RBMS3: variants seen among roughly 807,000 people sequenced by gnomAD.
The protein encoded by RBMS3 is RNA-binding motif, single-stranded-interacting protein 3.
A neutral mutation model predicts 66.8 loss-of-function variants in RBMS3; 27 were observed. The observed-to-expected ratio is 0.40, with a 90% CI of 0.30 to 0.56. The LOEUF is 0.56. Among genes scored for constraint, RBMS3 ranks in the 20% least tolerant of loss-of-function variants. RBMS3 has a pLI of 0.40. For synonymous variants in RBMS3, 188 were observed against 183.0 expected (o/e 1.03, Z -0.22); for missense variants, 513 against 549.5 (o/e 0.93, Z 0.66).
At chr3:29,346,127 G>T (rs567047311) in intron 1 of RBMS3, among the ~76,000 whole-genome samples, 2 of 152,276 alleles carry the variant, frequency 1.3e-5, no homozygotes, top group South Asian at 2.1e-4. Flanking sequence ...TAGAACTGGA[G>T]TTGGCCCATA....
At chr3:29,521,340 T>C (rs1420567241) in intron 3 of RBMS3, among the ~76,000 whole-genome samples, 1 of 152,184 alleles carries the variant, frequency 6.6e-6, no homozygotes, top group Non-Finnish European at 1.5e-5. Flanking sequence ...TAATATTTTG[T>C]TGACATCTCA....
chr3:29,791,188 T>C (rs2057000261), intron 6 of RBMS3, among the ~76,000 whole-genome samples: 4 of 152,214 alleles, frequency 2.6e-5, no homozygotes, highest in Admixed American at 2.0e-4. Flanking sequence ...GTGAATAACA[T>C]TGATTTCTTT....
intron 4 of RBMS3, among the ~76,000 whole-genome samples, chr3:29,687,777 T>C (rs2051797392): frequency 6.6e-6 from 1 of 152,190 alleles, no homozygotes; most frequent in Non-Finnish European, 1.5e-5. Context: ...TACCAATATT[T>C]TCACAATTGT....
At chr3:29,560,168 A>G (rs2046499116) in intron 3 of RBMS3, among the ~76,000 whole-genome samples, 1 of 152,228 alleles carries the variant, frequency 6.6e-6, no homozygotes, top group South Asian at 2.1e-4. Context: ...TACAAATACC[A>G]GATGGAGTTT....
chr3:29,635,822 C>T (rs1261420144), intron 4 of RBMS3, among the ~76,000 whole-genome samples: 3 of 151,824 alleles, frequency 2.0e-5, no homozygotes, highest in Admixed American at 2.0e-4. Flanking sequence ...CTGTACTTCT[C>T]AGCTCTCCTC....
chr3:29,811,760 T>A (rs565061472), intron 6 of RBMS3, among the ~76,000 whole-genome samples: 2 of 152,314 alleles, frequency 1.3e-5, no homozygotes, highest in South Asian at 4.1e-4. Flanking sequence ...CTAAATCTTT[T>A]GTCCATTAGG....
At chr3:29,785,708 C>T (rs754191459) in intron 6 of RBMS3, among the ~76,000 whole-genome samples, 41 of 152,074 alleles carry the variant, frequency 2.7e-4, no homozygotes, top group South Asian at 1.0e-3. Flanking sequence ...TAATAAAAGC[C>T]GTCTATGACA....
chr3:29,485,323 C>G (rs1374190164), intron 2 of RBMS3, among the ~76,000 whole-genome samples: 1 of 151,958 alleles, frequency 6.6e-6, no homozygotes, highest in Non-Finnish European at 1.5e-5. Flanking sequence ...ATTATGAAAA[C>G]TCAAAAATGT....
chr3:29,973,702 A>G (rs1697370220), intron 12 of RBMS3, among the ~76,000 whole-genome samples: 3 of 151,932 alleles, frequency 2.0e-5, no homozygotes, highest in South Asian at 2.1e-4. Context: ...ACCTTTCTCT[A>G]TTCTATCCTA....
intron 5 of RBMS3, among the ~76,000 whole-genome samples, chr3:29,742,609 T>A (rs1022847498): frequency 6.6e-6 from 1 of 152,226 alleles, no homozygotes; most frequent in African/African-American, 2.4e-5. Flanking sequence ...TTAGGTGCTC[T>A]TGTTATAGCT....
chr3:29,458,166 T>C (rs1370273713), intron 2 of RBMS3, among the ~76,000 whole-genome samples: 1 of 152,212 alleles, frequency 6.6e-6, no homozygotes, highest in Non-Finnish European at 1.5e-5. Flanking sequence ...GTAAGTTTCT[T>C]GCAGATGAAG....
At position 29,476,750 on chromosome 3, in the gene RBMS3, T is replaced by C. The variant is rs182946795; in HGVS notation, c.249-11691T>C. Reference sequence around the variant, plus strand: ...CTGCTTTTTCTATGTATGTAATTTTTAAAAAAAAATAAAAATCACCTTCAT... The same window carrying C: ...CTGCTTTTTCTATGTATGTAATTTTCAAAAAAAAATAAAAATCACCTTCAT... On this transcript the variant is annotated intron_variant, in intron 2 of 14. Transcript: ENST00000383767. Among the ~76,000 whole-genome samples the C allele has an allele frequency of 2.4e-4, 37 of 151,898 alleles. No individual in the cohort carries two copies. The East Asian group carries it at 5.2e-3, about 21-fold the overall frequency.
intron 5 of RBMS3, among the ~76,000 whole-genome samples, chr3:29,760,054 G>T (rs2055602614): frequency 6.6e-6 from 1 of 152,010 alleles, no homozygotes; most frequent in Admixed American, 6.6e-5. Flanking sequence ...CTGTCTTTGT[G>T]TTCATAGAAA....
intron 5 of RBMS3, among the ~76,000 whole-genome samples, chr3:29,759,923 G>A (rs1269343020): frequency 6.6e-6 from 1 of 152,032 alleles, no homozygotes; most frequent in Non-Finnish European, 1.5e-5. Flanking sequence ...CTAAGCGCCG[G>A]CAGCTACAGA....
In RBMS3 at chr3:29,846,074, ATT is replaced by A. The variant is rs71761490; in HGVS notation, c.638-22774_638-22773del. On this transcript the variant is annotated intron_variant, in intron 6 of 14. Coordinates refer to ENST00000383767, the MANE Select transcript of RBMS3 (RefSeq NM_001003793.3). ...CTTTTTGTCTATGAAAAAAAGTTTG[ATT>A]TTTTTTTTTCGATATTTGATGTGGA... 5.4e-5 allele frequency among the ~76,000 whole-genome samples: 8 copies of A among 148,728 alleles called. No individual in the cohort carries two copies. The South Asian group carries it at 1.5e-3, about 28-fold the overall frequency.
intron 1 of RBMS3, among the ~76,000 whole-genome samples, chr3:29,430,041 T>A (rs1304169308): frequency 6.6e-6 from 1 of 152,158 alleles, no homozygotes; most frequent in Non-Finnish European, 1.5e-5. Flanking sequence ...CACAAATTAA[T>A]TCATTTAGGC....
chr3:29,467,743 T>C (rs138412667), intron 2 of RBMS3, among the ~76,000 whole-genome samples: 144 of 152,338 alleles, frequency 9.5e-4, no homozygotes, highest in African/African-American at 3.0e-3. Context: ...TAGAGTAATC[T>C]AGTAGAAATA....
intron 1 of RBMS3, among the ~76,000 whole-genome samples, chr3:29,295,292 T>TAC (rs1229751228): frequency 3.2e-4 from 1 of 3,084 alleles, no homozygotes; most frequent in African/African-American, 8.6e-4. Flanking sequence ...TATATATATA[T>TAC]ATACATATAT....
At chr3:29,433,769 G>T (rs936151881) in intron 1 of RBMS3, among the ~76,000 whole-genome samples, 65 of 152,114 alleles carry the variant, frequency 4.3e-4, no homozygotes, top group African/African-American at 1.5e-3. Flanking sequence ...ATGAATTCTG[G>T]TATGTATAAT....
Sources: gnomAD v4.1 joint callset for allele counts (sites outside exome capture counted in the v4.1 genomes callset) on GRCh38, gnomAD v4.1.1 for gene constraint, MANE v1.5 for transcripts, NCBI Gene and HGNC (gene_info 2026-07-23, HGNC 2026-07-21) for gene names.